Variants in DCUN1D4 observed in about 807,000 individuals in gnomAD.
DCUN1D4 encodes the protein defective in cullin neddylation 1 domain containing 4.
In DCUN1D4, 22 loss-of-function variants were observed where a neutral mutation model predicts 47.9. The ratio of observed to expected loss-of-function variants is 0.46; its 90% confidence interval spans 0.33 to 0.66. The LOEUF is 0.66. Ranked by LOEUF, DCUN1D4 falls within the 30% of genes least tolerant of loss-of-function variation. DCUN1D4 has a pLI of 0.02. For synonymous variants in DCUN1D4, 121 were observed against 112.2 expected (o/e 1.08, Z -0.50); for missense variants, 301 against 340.8 (o/e 0.88, Z 0.92).
intron 5 of DCUN1D4, 77 bp downstream of exon 5, chr4:51,877,931 A>G: frequency 9.6e-7 from 1 of 1,041,622 alleles, no homozygotes; most frequent in Admixed American, 2.4e-5. Flanking sequence ...AAAGAATTTA[A>G]AAATGTGTAC....
chr4:51,869,897 C>G (rs1304194511), intron 3 of DCUN1D4, among the ~76,000 whole-genome samples: 1 of 152,234 alleles, frequency 6.6e-6, no homozygotes, highest in Non-Finnish European at 1.5e-5. Flanking sequence ...AATTTGTTCT[C>G]TTGAAACACT....
intron 5 of DCUN1D4, among the ~76,000 whole-genome samples, chr4:51,883,982 AATAT>A (rs1183066142): frequency 2.0e-5 from 3 of 148,624 alleles, no homozygotes; most frequent in Non-Finnish European, 4.5e-5. Context: ...GGAATATATA[AATAT>A]ATATATTTAT....
At chr4:51,857,652 C>T (rs950557145) in intron 1 of DCUN1D4, among the ~76,000 whole-genome samples, 5 of 152,274 alleles carry the variant, frequency 3.3e-5, no homozygotes, top group Middle Eastern at 3.4e-3. Context: ...CCTGTCATTA[C>T]GTTTGCATGG....
At chr4:51,901,886 G>A (rs1161606253) in intron 8 of DCUN1D4, among the ~76,000 whole-genome samples, 4 of 152,178 alleles carry the variant, frequency 2.6e-5, no homozygotes, top group Admixed American at 6.5e-5. Context: ...TTACCGGATA[G>A]ATTCAGTTTA....
At chr4:51,887,229 G>A (rs1449309961) in intron 6 of DCUN1D4, 2 of 395,886 alleles carry the variant, frequency 5.1e-6, no homozygotes, top group Non-Finnish European at 9.9e-6. Flanking sequence ...AGCCTCCTGA[G>A]TAGCTGGGAC....
chr4:51,871,123 T>A (rs1726821794), intron 3 of DCUN1D4, among the ~76,000 whole-genome samples: 1 of 126,566 alleles, frequency 7.9e-6, no homozygotes. Flanking sequence ...ATGATTAGAG[T>A]GGAGAGATTA....
chr4:51,913,511 TTC>T lies in DCUN1D4; in HGVS notation c.824-12_824-11del. 1 of 1,608,348 alleles carries T rather than the reference TTC, an allele frequency of 6.2e-7. No homozygotes were observed. Among genetic ancestry groups the T allele is most frequent in the Non-Finnish European group, 8.5e-7 (1 of 1,175,840 alleles). Reference sequence around the variant, plus strand: ...TTATTATTATTATTATTACTACTGTTTCTCTCTTTCTCTCCAGGGCCAGTTTT... The same window carrying T: ...TTATTATTATTATTATTACTACTGTTTCTCTTTCTCTCCAGGGCCAGTTTT... On this transcript the variant is annotated splice_polypyrimidine_tract_variant and intron_variant, in intron 10 of 10. Transcript: ENST00000334635.
intron 7 of DCUN1D4, among the ~76,000 whole-genome samples, chr4:51,897,471 G>A (rs9312632): frequency 5.6e-4 from 85 of 152,284 alleles, no homozygotes; most frequent in African/African-American, 1.9e-3. Flanking sequence ...AAGATCTATA[G>A]AGAAAATACG....
chr4:51,837,103 AC>A, the DCUN1D4 span, among the ~76,000 whole-genome samples: 1 of 152,244 alleles, frequency 6.6e-6, no homozygotes, highest in Non-Finnish European at 1.5e-5. Flanking sequence ...GGAAAATTGC[AC>A]CTTCTGAGAT....
chr4:51,870,374 A>G lies in DCUN1D4; in HGVS notation c.137-3897A>G, dbSNP rs928375107. ...TTTAAGAAGCAAGCATTCCTTGAAT[A>G]TGTCTTCTAAAAAAATCCTATCTGC... On this transcript the variant is annotated intron_variant, in intron 3 of 10. Transcript: ENST00000334635. Among the ~76,000 whole-genome samples, 6 of 152,302 alleles carry G rather than the reference A, an allele frequency of 3.9e-5. No individual in the cohort carries two copies. In the East Asian group the frequency reaches 5.8e-4, roughly 15 times the overall value.
At chr4:51,870,322 T>A (rs902757241) in intron 3 of DCUN1D4, among the ~76,000 whole-genome samples, 2 of 152,142 alleles carry the variant, frequency 1.3e-5, no homozygotes, top group Non-Finnish European at 2.9e-5. Context: ...TATTTAAGTA[T>A]TTTTATCATA....
Position 51,899,360 on chromosome 4 carries a change from T to C in DCUN1D4, c.597T>C (p.Tyr199=), listed in dbSNP as rs199888181. The C allele has an allele frequency of 1.5e-4, 236 of 1,607,650 alleles. No homozygotes were observed. The highest frequency in any genetic ancestry group is 3.6e-4 in the East Asian group (16 of 44,680). Residue 199 remains tyrosine (Y), a synonymous_variant, in exon 8 of 11, where the codon TAT becomes TAC. Coordinates refer to ENST00000334635, the MANE Select transcript of DCUN1D4 (RefSeq NM_001040402.3). Reference sequence around the variant, plus strand: ...CAAACTTTAAACTTATTTACAGATATGCGTTTGACTTTGCACGGGTGAGTT... The same window carrying C: ...CAAACTTTAAACTTATTTACAGATACGCGTTTGACTTTGCACGGGTGAGTT... ...DSTNFKLIYR[Y]AFDFAREKDQ... is the part of the protein sequence containing the mutation.
intron 5 of DCUN1D4, among the ~76,000 whole-genome samples, chr4:51,881,316 T>C (rs1728575555): frequency 6.6e-6 from 1 of 152,158 alleles, no homozygotes; most frequent in African/African-American, 2.4e-5. Context: ...CTTAGTCTAT[T>C]TTGGATTAAG....
chr4:51,866,180 C>T (rs1455381969), intron 3 of DCUN1D4, among the ~76,000 whole-genome samples: 1 of 152,122 alleles, frequency 6.6e-6, no homozygotes, highest in African/African-American at 2.4e-5. Context: ...TATAGATCAA[C>T]TCAAGGACAG....
rs575680055 is a variant in DCUN1D4, at chr4:51,916,377, TTC to T, written c.*2800_*2801del. ...ATTCTGGTTTCACAATGGATTTATT[TTC>T]TCTCTCAGTCTCCATTTTAACAGTG... On this transcript the variant is annotated 3_prime_UTR_variant, in exon 11 of 11. Transcript: ENST00000334635. 1 of 152,602 alleles carries T rather than the reference TTC, an allele frequency of 6.6e-6. No individual in the cohort carries two copies. The highest frequency in any genetic ancestry group is 1.5e-5 in the Non-Finnish European group (1 of 68,020). The allele number at this position is 152,602 out of a possible 1,614,324, so 9.5% of individuals were successfully genotyped here.
At chr4:51,893,153 G>A (rs1382697204) in intron 7 of DCUN1D4, among the ~76,000 whole-genome samples, 9 of 152,178 alleles carry the variant, frequency 5.9e-5, no homozygotes, top group Admixed American at 4.6e-4. Flanking sequence ...GAGATGGGAA[G>A]AACACTTAAG....
upstream of DCUN1D4, among the ~76,000 whole-genome samples, chr4:51,839,539 A>G (rs371066204): frequency 1.3e-5 from 2 of 152,198 alleles, no homozygotes; most frequent in Non-Finnish European, 1.5e-5. Context: ...TCAGTTGGTC[A>G]TATTTGGAGA....
At chr4:51,870,298 G>A (rs952999064) in intron 3 of DCUN1D4, among the ~76,000 whole-genome samples, 1 of 151,850 alleles carries the variant, frequency 6.6e-6, no homozygotes, top group Non-Finnish European at 1.5e-5. Context: ...ATACAAATTT[G>A]TAGAAATTAT....
At chr4:51,879,325 G>A (rs955840670) in intron 5 of DCUN1D4, among the ~76,000 whole-genome samples, 7 of 152,172 alleles carry the variant, frequency 4.6e-5, no homozygotes. Flanking sequence ...AGTGATTGAC[G>A]GCTGGGCGCG....
Sources: allele counts gnomAD v4.1 joint callset (sites outside exome capture counted in the v4.1 genomes callset), GRCh38; gene constraint gnomAD v4.1.1; transcripts MANE v1.5; gene names NCBI Gene and HGNC (gene_info 2026-07-23, HGNC 2026-07-21).